HDX: variants seen among roughly 807,000 people sequenced by gnomAD.
HDX encodes the protein chromosome X open reading frame 43.
In HDX, 19 loss-of-function variants were observed where a neutral mutation model predicts 45.2. The observed-to-expected ratio is 0.42, with a 90% CI of 0.29 to 0.62. The LOEUF (loss-of-function observed/expected upper bound fraction) is 0.62. HDX is among the 20% of genes least tolerant of loss of function. The probability of loss-of-function intolerance (pLI) is 0.20; values close to 1 mark genes in which losing one functional copy is unlikely to be tolerated. For missense variants in HDX, 532 were observed against 493.9 expected, an observed-to-expected ratio of 1.08 and a Z score of -0.73; for synonymous variants, 188 against 172.8, an observed-to-expected ratio of 1.09 and a Z score of -0.69.
chrX:84,407,796 A>G (rs934125514), intron 5 of HDX, among the ~76,000 whole-genome samples: 3 of 111,534 alleles, frequency 2.7e-5, no homozygotes, highest in African/African-American at 9.8e-5. Context: ...ATGATTAGAG[A>G]TACTGAGCAT....
chrX:84,367,867 G>T (rs1366894828), intron 5 of HDX, among the ~76,000 whole-genome samples: 2 of 111,615 alleles, frequency 1.8e-5, no homozygotes, highest in East Asian at 5.7e-4. Flanking sequence ...TGGGGGTAAG[G>T]GAGGGATAGC....
intron 9 of HDX, among the ~76,000 whole-genome samples, chrX:84,327,198 G>A (rs2036732321): frequency 9.0e-6 from 1 of 111,700 alleles, no homozygotes; most frequent in Non-Finnish European, 1.9e-5. Context: ...TAGTCGTATA[G>A]GTAAAACAAC....
chrX:84,463,957 T>C (rs2040291470), intron 4 of HDX, among the ~76,000 whole-genome samples: 1 of 111,671 alleles, frequency 9.0e-6, no homozygotes, highest in Non-Finnish European at 1.9e-5. Context: ...ATTTTTTCAA[T>C]TTGTACTCAG....
At chrX:84,474,184 C>G (rs2040503067) in intron 3 of HDX, among the ~76,000 whole-genome samples, 1 of 111,361 alleles carries the variant, frequency 9.0e-6, no homozygotes, top group Non-Finnish European at 1.9e-5. Flanking sequence ...TCCAGCTACT[C>G]GGGAGGCTGA....
intron 5 of HDX, among the ~76,000 whole-genome samples, chrX:84,411,087 T>C (rs1202317409): frequency 2.7e-5 from 3 of 111,600 alleles, no homozygotes; most frequent in Non-Finnish European, 5.7e-5. Flanking sequence ...TCTGTTTATC[T>C]TATGTATTCT....
At chrX:84,463,562 G>A (rs1208889562) in intron 4 of HDX, among the ~76,000 whole-genome samples, 1 of 110,976 alleles carries the variant, frequency 9.0e-6, no homozygotes, top group Non-Finnish European at 1.9e-5. Context: ...TGAGAAATGG[G>A]AATGCAATTA....
chrX:84,398,656 A>T (rs1358986540), intron 5 of HDX, among the ~76,000 whole-genome samples: 1 of 111,945 alleles, frequency 8.9e-6, no homozygotes, highest in Non-Finnish European at 1.9e-5. Context: ...TATTAGACAG[A>T]TTGAGAGACA....
chrX:84,406,519 T>TACACAC (rs199742769), intron 5 of HDX, among the ~76,000 whole-genome samples: 4 of 64,687 alleles, frequency 6.2e-5, no homozygotes, highest in African/African-American at 2.1e-4. Context: ...CACACACACA[T>TACACAC]ACACACACAC....
chrX:84,362,015 CCAAA>C (rs1335173547), intron 5 of HDX, among the ~76,000 whole-genome samples: 1 of 111,340 alleles, frequency 9.0e-6, no homozygotes, highest in African/African-American at 3.3e-5. Context: ...CATTCACATA[CCAAA>C]CACAGAAAAA....
rs924710043 is a variant in HDX, at chrX:84,436,990, A to C, written c.1305+3542T>G. Reference sequence around the variant, plus strand: ...ACAGTCTATCTGTCCTTTTGGATCTAGTAATAATTGCTCTATGTGGGTCCT... The same window carrying C: ...ACAGTCTATCTGTCCTTTTGGATCTCGTAATAATTGCTCTATGTGGGTCCT... On this transcript the variant is annotated intron_variant, in intron 5 of 10. Coordinates refer to ENST00000373177, the MANE Select transcript of HDX (RefSeq NM_001177479.2). 2.1e-4 allele frequency among the ~76,000 whole-genome samples: 23 copies of C among 110,949 alleles called. No homozygotes were observed. The Admixed American group carries it at 2.2e-3, about 11-fold the overall frequency.
chrX:84,468,006 T>C (rs1426868332), intron 4 of HDX, among the ~76,000 whole-genome samples: 2 of 111,713 alleles, frequency 1.8e-5, no homozygotes, highest in African/African-American at 3.3e-5. Flanking sequence ...TGAGTTACCA[T>C]AGCCTCTGAC....
chrX:84,473,611 T>G (rs1446300019), intron 3 of HDX, among the ~76,000 whole-genome samples: 1 of 111,485 alleles, frequency 9.0e-6, no homozygotes, highest in Non-Finnish European at 1.9e-5. Context: ...AGCATAAATA[T>G]AAATCTCTGT....
chrX:84,381,237 G>A (rs1294377959), intron 5 of HDX, among the ~76,000 whole-genome samples: 3 of 110,886 alleles, frequency 2.7e-5, no homozygotes, highest in East Asian at 2.8e-4. Context: ...CATGTTCATC[G>A]ACGGAAATAA....
At chrX:84,500,183 G>A (rs1318383982) in intron 1 of HDX, 4 of 110,590 alleles carry the variant, frequency 3.6e-5, no homozygotes, top group Non-Finnish European at 7.6e-5. Flanking sequence ...TCTTTCCTCT[G>A]ACTTAAATTC....
intron 4 of HDX, among the ~76,000 whole-genome samples, chrX:84,449,091 C>A (rs959660535): frequency 1.8e-5 from 2 of 108,536 alleles, no homozygotes; most frequent in Non-Finnish European, 3.8e-5. Flanking sequence ...GAAGATAGGT[C>A]TTTTGAAATA....
intron 4 of HDX, among the ~76,000 whole-genome samples, chrX:84,448,135 C>A (rs1286676068): frequency 8.9e-6 from 1 of 111,881 alleles, no homozygotes; most frequent in Non-Finnish European, 1.9e-5. Context: ...CCGCCCCATC[C>A]ACCACATTTG....
In HDX at chrX:84,318,084, T is replaced by C. The variant is rs1235261279; in HGVS notation, c.*3805A>G. On this transcript the variant is annotated 3_prime_UTR_variant, in exon 11 of 11. Coordinates refer to ENST00000373177, the MANE Select transcript of HDX (RefSeq NM_001177479.2). ...GGAGCAATATACACTCAGTATATAT[T>C]TTAATGAAACAATTTTAATTATATT... The C allele has an allele frequency of 9.0e-6, 1 of 111,223 alleles. No individual in the cohort carries two copies. 9.2% of individuals were successfully genotyped at this position (111,223 alleles called of 1,213,427 possible). A position where few individuals can be genotyped will look rare whatever the true frequency, so the allele number is the denominator to read the frequency against.
At chrX:84,355,765 G>T (rs973245513) in intron 6 of HDX, among the ~76,000 whole-genome samples, 1 of 109,528 alleles carries the variant, frequency 9.1e-6, no homozygotes, top group Non-Finnish European at 1.9e-5. Flanking sequence ...TGTAAATGAC[G>T]AGTTAATGAG....
At chrX:84,412,032 C>T (rs1302758416) in intron 5 of HDX, among the ~76,000 whole-genome samples, 1 of 111,189 alleles carries the variant, frequency 9.0e-6, no homozygotes, top group Non-Finnish European at 1.9e-5. Flanking sequence ...TTTATCCATC[C>T]CTTTTCTTTG....
Sources: allele counts gnomAD v4.1 joint callset (sites outside exome capture counted in the v4.1 genomes callset), GRCh38; gene constraint gnomAD v4.1.1; transcripts MANE v1.5; gene names NCBI Gene and HGNC (gene_info 2026-07-23, HGNC 2026-07-21).